CYP4F12: variants seen among roughly 807,000 people sequenced by gnomAD.
The protein encoded by CYP4F12 is cytochrome P450 4F12.
Under a neutral mutation model 56.5 loss-of-function variants are expected in CYP4F12, and 60 were observed. That is an observed-to-expected ratio of 1.06 (90% CI 0.86 to 1.32). The LOEUF (loss-of-function observed/expected upper bound fraction) is 1.32. CYP4F12 is among the 40% of genes most tolerant of loss of function. The pLI, the probability that CYP4F12 is intolerant of heterozygous loss-of-function variation, is 0.00. For missense variants in CYP4F12, 711 were observed against 683.5 expected (o/e 1.04, Z -0.45); for synonymous variants, 263 against 264.9 (o/e 0.99, Z 0.07).
At chr19:15,673,795 G>A (rs2006747000) in intron 2 of CYP4F12, 68 bp downstream of exon 2, 2 of 1,568,688 alleles carry the variant, frequency 1.3e-6, no homozygotes, top group Middle Eastern at 1.7e-4. Context: ...CAGGAATGGG[G>A]CTCAGTGAGC....
intron 3 of CYP4F12, among the ~76,000 whole-genome samples, chr19:15,679,846 G>A (rs1329499768): frequency 2.0e-5 from 3 of 152,210 alleles, no homozygotes; most frequent in Non-Finnish European, 4.4e-5. Context: ...TCTGGGGCCT[G>A]TCTGTGGGGT....
In CYP4F12 at chr19:15,697,035, G is replaced by T; in HGVS notation, c.1525G>T (p.Glu509Ter). The T allele has an allele frequency of 2.5e-6, 4 of 1,614,170 alleles. No homozygotes were observed. Among genetic ancestry groups the T allele is most frequent in the Non-Finnish European group, 3.4e-6 (4 of 1,179,970 alleles). The stretch of plus-strand genomic sequence containing the variant: ...GAAGCTGGAATTGATCATGCGCGCC[G>T]AGGGCGGGCTTTGGCTGCGGGTGGA... ...RRKLELIMRAEGGLWLRVEPL... is the reference protein window; with the variant it reads ...RRKLELIMRA Residue 509 changes from glutamate to a stop codon, truncating the protein, a stop_gained, in exon 13 of 13, where the codon GAG becomes TAG. Transcript: ENST00000550308. LOFTEE classifies it low-confidence loss of function (END_TRUNC).
intron 3 of CYP4F12, among the ~76,000 whole-genome samples, chr19:15,679,553 T>G (rs887122301): frequency 6.6e-6 from 1 of 152,226 alleles, no homozygotes; most frequent in Non-Finnish European, 1.5e-5. Context: ...AGTCATCATG[T>G]GTGTGGCTCA....
In CYP4F12 at chr19:15,680,423, G is replaced by A. The variant is rs758590070; in HGVS notation, c.429G>A (p.Lys143=). 2 of 1,613,958 alleles carry A rather than the reference G, an allele frequency of 1.2e-6. No individual in the cohort carries two copies. Among genetic ancestry groups the A allele is most frequent in the South Asian group, 1.1e-5 (1 of 91,082 alleles). ...GEGILLSGGD[K]WSRHRRMLTP... is the part of the protein sequence containing the mutation. ...GGATACTGCTGAGTGGCGGTGACAA[G>A]TGGAGCCGCCACCGTCGGATGCTGA... Residue 143 remains lysine, a synonymous_variant, in exon 5 of 13, where the codon AAG becomes AAA. Transcript: ENST00000550308.
chr19:15,683,108 G>T (rs573778832), intron 6 of CYP4F12, among the ~76,000 whole-genome samples: 1 of 152,192 alleles, frequency 6.6e-6, no homozygotes, highest in South Asian at 2.1e-4. Context: ...GAGAGAGAGA[G>T]AAAGAGAGAG....
Position 15,688,574 on chromosome 19 carries a change from C to T in CYP4F12, c.1115+3377C>T, listed in dbSNP as rs2007730188. On this transcript the variant is annotated intron_variant, in intron 9 of 12. Transcript: ENST00000550308. The stretch of plus-strand genomic sequence containing the variant: ...ATTTAACGCAATGCCTATGAAAATA[C>T]CTTCATCATTTTTCACACAACTGGG... Among the ~76,000 whole-genome samples, 3 of 152,062 alleles carry T rather than the reference C, an allele frequency of 2.0e-5. 1 individual carries two copies. The South Asian group carries it at 6.2e-4, about 32-fold the overall frequency.
At position 15,695,952 on chromosome 19, in the gene CYP4F12, C is replaced by A. The variant is rs1281932817; in HGVS notation, c.1132C>A (p.Leu378Met). The A allele has an allele frequency of 4.3e-6, 7 of 1,613,304 alleles. No homozygotes were observed. The highest frequency in any genetic ancestry group is 3.3e-4 in the Middle Eastern group (2 of 6,050). The change falls in exon 10 of 13, where the codon CTG becomes ATG. Residue 378 changes from leucine to methionine, a missense_variant. Transcript: ENST00000550308. The stretch of plus-strand genomic sequence containing the variant: ...TTTCCTTAGGGACGACCTGGCCCAG[C>A]TGCCCTTCCTGACCATGTGCGTGAA... ...KEIEWDDLAQ[L>M]PFLTMCVKES...
In CYP4F12 at chr19:15,696,213, G is replaced by T; in HGVS notation, c.1302G>T (p.Trp434Cys). 1 of 1,614,048 alleles carries T rather than the reference G, an allele frequency of 6.2e-7. No individual in the cohort carries two copies. Among genetic ancestry groups the T allele is most frequent in the Non-Finnish European group, 8.5e-7 (1 of 1,179,994 alleles). Residue 434 changes from tryptophan to cysteine, a missense_variant, in exon 11 of 13, where the codon TGG (tryptophan) becomes TGT (cysteine). Coordinates refer to ENST00000550308, the MANE Select transcript of CYP4F12 (RefSeq NM_023944.4). ...IIGVHHNPTV[W>C]PDPEVYDPFR... ...GGGTCCATCACAACCCAACTGTGTGGCCGGATCCTGAGGTGCTGCCTTCCC... is the reference window on the plus strand; with the variant it reads ...GGGTCCATCACAACCCAACTGTGTGTCCGGATCCTGAGGTGCTGCCTTCCC...
At chr19:15,681,452 G>C (rs938407574) in intron 5 of CYP4F12, 2 of 152,202 alleles carry the variant, frequency 1.3e-5, no homozygotes, top group African/African-American at 4.8e-5. Context: ...AGAGACAAAG[G>C]GTAGTTGATT....
chr19:15,685,556 A>C (rs926144291), intron 9 of CYP4F12, among the ~76,000 whole-genome samples: 3 of 152,118 alleles, frequency 2.0e-5, no homozygotes, highest in African/African-American at 7.2e-5. Flanking sequence ...GGGAGGGAGA[A>C]GTTGTTTTTG....
chr19:15,696,603 C>G (rs1034183700), intron 12 of CYP4F12, 91 bp downstream of exon 12: 2 of 1,405,094 alleles, frequency 1.4e-6, no homozygotes, highest in Non-Finnish European at 2.0e-6. Flanking sequence ...AGTTCCAGCT[C>G]TCCTTCCCTC....
At chr19:15,691,591 C>T (rs1327666216) in intron 9 of CYP4F12, among the ~76,000 whole-genome samples, 1 of 151,986 alleles carries the variant, frequency 6.6e-6, no homozygotes, top group Non-Finnish European at 1.5e-5. Flanking sequence ...AGTTGATAAG[C>T]CATTTATTTT....
chr19:15,696,281 T>G, intron 11 of CYP4F12, 56 bp downstream of exon 11: 1 of 1,612,640 alleles, frequency 6.2e-7, no homozygotes. Context: ...TGTGTGTGTG[T>G]GTGTGAATTC....
chr19:15,694,393 G>C (rs1401930908), intron 9 of CYP4F12, among the ~76,000 whole-genome samples: 1 of 152,238 alleles, frequency 6.6e-6, no homozygotes, highest in African/African-American at 2.4e-5. Context: ...TCTCCTTGAA[G>C]AGGTCCTTCA....
Position 15,697,061 on chromosome 19 carries a change from G to T in CYP4F12, c.1551G>T (p.Glu517Asp), listed in dbSNP as rs747072393. 1.9e-6 allele frequency: 3 copies of T among 1,613,896 alleles called. No homozygotes were observed. Among genetic ancestry groups the T allele is most frequent in the East Asian group, 2.2e-5 (1 of 44,876 alleles). ...AGGGCGGGCTTTGGCTGCGGGTGGA[G>T]CCCCTGAATGTAAGCTTGCAGTGAC... ...RAEGGLWLRV[E>D]PLNVSLQ Residue 517 changes from glutamate to aspartate, a missense_variant, in exon 13 of 13, where the codon GAG becomes GAT. Transcript: ENST00000550308.
intron 9 of CYP4F12, among the ~76,000 whole-genome samples, chr19:15,686,698 G>GT (rs1471492261): frequency 2.0e-5 from 3 of 152,190 alleles, no homozygotes; most frequent in African/African-American, 7.2e-5. Context: ...GGTTGAGCAG[G>GT]GGAGGGGCAG....
chr19:15,674,996 C>G (rs1421414873), intron 2 of CYP4F12, among the ~76,000 whole-genome samples: 1 of 152,238 alleles, frequency 6.6e-6, no homozygotes, highest in Non-Finnish European at 1.5e-5. Flanking sequence ...CTCTGGGCTG[C>G]TGCTTTCCCG....
At position 15,683,572 on chromosome 19, in the gene CYP4F12, A is replaced by G. The variant is rs775256919; in HGVS notation, c.727A>G (p.Met243Val). Reference protein sequence around the residue: ...EKRSQHILQHMDFLYYLSHDG... With the variant: ...EKRSQHILQHVDFLYYLSHDG... ...AAGAAGCCAGCATATCCTCCAGCAC[A>G]TGGACTTTCTGTATTACCTCTCCCA... Residue 243 changes from methionine to valine, a missense_variant, in exon 7 of 13, where the codon ATG (methionine) becomes GTG (valine). Transcript: ENST00000550308. 2.5e-6 allele frequency: 4 copies of G among 1,614,096 alleles called. No individual in the cohort carries two copies. Among genetic ancestry groups the G allele is most frequent in the Non-Finnish European group, 3.4e-6 (4 of 1,179,992 alleles).
At chr19:15,679,766 C>T (rs139699610) in intron 3 of CYP4F12, among the ~76,000 whole-genome samples, 3 of 152,278 alleles carry the variant, frequency 2.0e-5, no homozygotes, top group South Asian at 2.1e-4. Context: ...ATTCTAATCA[C>T]GCTTGAAGAA....
Sources: allele counts gnomAD v4.1 joint callset (sites outside exome capture counted in the v4.1 genomes callset), GRCh38; gene constraint gnomAD v4.1.1; transcripts MANE v1.5; gene names NCBI Gene and HGNC (gene_info 2026-07-23, HGNC 2026-07-21).